GAB2: variants seen among roughly 807,000 people sequenced by gnomAD.
GAB2 encodes the protein GRB2-associated-binding protein 2.
In GAB2, 26 loss-of-function variants were observed where a neutral mutation model predicts 65.5. That is an observed-to-expected ratio of 0.40 (90% CI 0.29 to 0.55). The LOEUF is 0.55. GAB2 is among the 20% of genes least tolerant of loss of function. GAB2 has a pLI of 0.53. For missense variants in GAB2, 884 were observed against 875.8 expected (o/e 1.01, Z -0.12); for synonymous variants, 321 against 329.6 (o/e 0.97, Z 0.28).
At chr11:78,236,456 T>C (rs1460575241) in intron 3 of GAB2, among the ~76,000 whole-genome samples, 2 of 152,180 alleles carry the variant, frequency 1.3e-5, no homozygotes, top group African/African-American at 2.4e-5. Flanking sequence ...AGGACTCTTA[T>C]TTATTTTTCT....
chr11:78,274,003 T>C (rs1590988283), intron 2 of GAB2, among the ~76,000 whole-genome samples: 1 of 83,134 alleles, frequency 1.2e-5, no homozygotes. Context: ...ATTAAACCTG[T>C]TTTTTTTTTT....
Position 78,300,685 on chromosome 11 carries a change from G to GTT in GAB2, c.76-19786_76-19785dup, listed in dbSNP as rs763136988. Among the ~76,000 whole-genome samples, 243 of 120,542 alleles carry GTT rather than the reference G, an allele frequency of 2.0e-3. 2 individuals are homozygous for GTT. The highest frequency in any genetic ancestry group is 5.6e-3 in the African/African-American group (158 of 28,444). The allele number at this position is 120,542 out of a possible 152,430, so 79.1% of individuals were successfully genotyped here. On this transcript the variant is annotated intron_variant, in intron 1 of 9. Transcript: ENST00000361507. ...TCTCACTGTGTGGTTTTTTTTTTTGGTTTTTTTTTGTTTTTTTTTTTTTTT... is the reference window on the plus strand; with the variant it reads ...TCTCACTGTGTGGTTTTTTTTTTTGGTTTTTTTTTTTGTTTTTTTTTTTTTTT...
intron 1 of GAB2, among the ~76,000 whole-genome samples, chr11:78,350,353 A>G (rs1352431029): frequency 2.0e-5 from 3 of 152,214 alleles, no homozygotes; most frequent in Non-Finnish European, 1.5e-5. Flanking sequence ...CTCTGGCAAG[A>G]CATGCTCTCC....
intron 1 of GAB2, among the ~76,000 whole-genome samples, chr11:78,301,427 TC>T (rs1445686748): frequency 7.3e-5 from 11 of 151,592 alleles, no homozygotes; most frequent in Admixed American, 6.6e-5. Flanking sequence ...CCTCCCAAGT[TC>T]AAGCGATTCT....
intron 1 of GAB2, among the ~76,000 whole-genome samples, chr11:78,312,809 G>T (rs538970888): frequency 6.6e-6 from 1 of 152,276 alleles, no homozygotes; most frequent in Admixed American, 6.5e-5. Flanking sequence ...GTTATAAATC[G>T]ACAAAGCAAG....
chr11:78,259,914 G>A (rs2134543006), intron 2 of GAB2, among the ~76,000 whole-genome samples: 1 of 152,324 alleles, frequency 6.6e-6, no homozygotes, highest in South Asian at 2.1e-4. Context: ...TCTCTGTAAT[G>A]TGGGCCTGGG....
At position 78,216,928 on chromosome 11, in the gene GAB2, G is replaced by C. The variant is rs1864178138; in HGVS notation, c.*2344C>G. The stretch of plus-strand genomic sequence containing the variant: ...CACCACTGCTTCCATTCACTTATTG[G>C]AACACCAAGGCATGGCCCCTACACT... On this transcript the variant is annotated 3_prime_UTR_variant, in exon 10 of 10. Transcript: ENST00000361507. The C allele has an allele frequency of 6.6e-6, 1 of 152,268 alleles. No individual in the cohort carries two copies. The highest frequency in any genetic ancestry group is 1.5e-5 in the Non-Finnish European group (1 of 68,118). 9.4% of individuals were successfully genotyped at this position (152,268 alleles called of 1,614,324 possible).
chr11:78,407,667 A>AAGAAAGAAAGAGATGGC (rs1857067142), intron 1 of GAB2, among the ~76,000 whole-genome samples: 2 of 126,542 alleles, frequency 1.6e-5, no homozygotes, highest in African/African-American at 5.8e-5. Flanking sequence ...GTAAGAAAGA[A>AAGAAAGAAAGAGATGGC]AGAAAGAAAG....
intron 1 of GAB2, among the ~76,000 whole-genome samples, chr11:78,401,450 G>A (rs1326252301): frequency 6.6e-6 from 1 of 150,738 alleles, no homozygotes; most frequent in East Asian, 2.0e-4. Context: ...GTTCATCTAT[G>A]TTGTATCATG....
chr11:78,319,210 T>C (rs1302939141), intron 1 of GAB2, among the ~76,000 whole-genome samples: 2 of 152,210 alleles, frequency 1.3e-5, no homozygotes, highest in Non-Finnish European at 2.9e-5. Flanking sequence ...CCTCCATTTT[T>C]TCCTCCATTA....
chr11:78,328,149 C>T (rs1052407261), intron 1 of GAB2, among the ~76,000 whole-genome samples: 3 of 152,160 alleles, frequency 2.0e-5, no homozygotes, highest in Admixed American at 6.5e-5. Flanking sequence ...TTCCGAGAAA[C>T]GGATATACAC....
chr11:78,367,497 C>G (rs1387392728), intron 1 of GAB2, among the ~76,000 whole-genome samples: 1 of 152,188 alleles, frequency 6.6e-6, no homozygotes, highest in Non-Finnish European at 1.5e-5. Flanking sequence ...GATCTGGAAG[C>G]TGGACATTTT....
rs1271962776 is a variant in GAB2 at position 78,223,475 on chromosome 11, G to T, written c.1504C>A (p.Pro502Thr). ...GGCTGAATCTCACTTCCTCTGCTGGGGCCTCGGTGCACAGGAAGGGTTGTT... is the reference window on the plus strand; with the variant it reads ...GGCTGAATCTCACTTCCTCTGCTGGTGCCTCGGTGCACAGGAAGGGTTGTT... ...PSTTLPVHRG[P>T]SRGSEIQPPP... The change falls in exon 6 of 10, where the codon CCC becomes ACC. Residue 502 changes from proline to threonine, a missense_variant. Physicochemically the swap from Pro to Thr is conservative, Grantham distance 38. Coordinates refer to ENST00000361507, the MANE Select transcript of GAB2 (RefSeq NM_080491.3). The T allele has an allele frequency of 6.2e-7, 1 of 1,601,242 alleles. No individual in the cohort carries two copies. Among genetic ancestry groups the T allele is most frequent in the South Asian group, 1.1e-5 (1 of 89,622 alleles).
intron 1 of GAB2, among the ~76,000 whole-genome samples, chr11:78,404,218 A>T (rs1342987075): frequency 6.6e-6 from 1 of 152,218 alleles, no homozygotes; most frequent in African/African-American, 2.4e-5. Context: ...CGATGAATGC[A>T]TTTAAAAAAT....
intron 1 of GAB2, among the ~76,000 whole-genome samples, chr11:78,407,576 T>G (rs577817968): frequency 1.9e-3 from 290 of 151,480 alleles, no homozygotes; most frequent in Admixed American, 3.8e-3. Context: ...GACATTGCAG[T>G]GAGCCCAGAT....
chr11:78,315,100 T>C (rs1198204277), intron 1 of GAB2, among the ~76,000 whole-genome samples: 5 of 152,154 alleles, frequency 3.3e-5, no homozygotes, highest in Non-Finnish European at 7.4e-5. Context: ...AAGGAGCTAA[T>C]TGAGAGAGTA....
intron 1 of GAB2, among the ~76,000 whole-genome samples, chr11:78,398,672 C>A (rs575786163): frequency 6.6e-6 from 1 of 152,176 alleles, no homozygotes; most frequent in South Asian, 2.1e-4. Context: ...TTGGTTATAA[C>A]CATGTAAAAA....
At chr11:78,240,134 C>G (rs1016272389) in intron 3 of GAB2, among the ~76,000 whole-genome samples, 2 of 152,150 alleles carry the variant, frequency 1.3e-5, no homozygotes, top group African/African-American at 2.4e-5. Flanking sequence ...TCAGAACAGT[C>G]ATGCCTCCAC....
At chr11:78,372,384 T>C (rs1359556923) in intron 1 of GAB2, among the ~76,000 whole-genome samples, 1 of 152,176 alleles carries the variant, frequency 6.6e-6, no homozygotes, top group Non-Finnish European at 1.5e-5. Flanking sequence ...CAAGTCTTGT[T>C]GATGACATAG....
Sources: allele counts gnomAD v4.1 joint callset (sites outside exome capture counted in the v4.1 genomes callset), GRCh38; gene constraint gnomAD v4.1.1; transcripts MANE v1.5; gene names NCBI Gene and HGNC (gene_info 2026-07-23, HGNC 2026-07-21).